Variants in GRID2 observed in about 807,000 individuals in gnomAD.
GRID2 encodes the protein glutamate receptor ionotropic, delta-2.
GRID2 carries 33 observed loss-of-function variants against 114.8 expected under a neutral mutation model. The ratio of observed to expected loss-of-function variants is 0.29; its 90% CI spans 0.22 to 0.38. The LOEUF is 0.38. Among genes scored for constraint, GRID2 ranks in the 10% least tolerant of loss-of-function variants. The pLI, the probability that GRID2 is intolerant of heterozygous loss-of-function variation, is 1.00. For synonymous variants in GRID2, 505 were observed against 449.9 expected, an observed-to-expected ratio of 1.12 and a Z score of -1.55; for missense variants, 1,184 against 1,257.7, an observed-to-expected ratio of 0.94 and a Z score of 0.89.
intron 2 of GRID2, among the ~76,000 whole-genome samples, chr4:92,613,667 T>C (rs1291053649): frequency 1.3e-5 from 2 of 151,476 alleles, no homozygotes; most frequent in Admixed American, 1.3e-4. Context: ...TTATCTGCTC[T>C]GCTAACATGA....
At chr4:92,495,160 G>A (rs187204597) in intron 1 of GRID2, among the ~76,000 whole-genome samples, 1 of 151,912 alleles carries the variant, frequency 6.6e-6, no homozygotes, top group Non-Finnish European at 1.5e-5. Flanking sequence ...AGAGTGTCTA[G>A]ATCAAAGAAA....
intron 11 of GRID2, among the ~76,000 whole-genome samples, chr4:93,464,557 G>A (rs570014475): frequency 3.9e-5 from 6 of 152,110 alleles, no homozygotes; most frequent in Non-Finnish European, 8.8e-5. Context: ...AGTGGTACAA[G>A]CTTTACTTGA....
intron 2 of GRID2, among the ~76,000 whole-genome samples, chr4:92,864,176 G>C (rs950545738): frequency 6.6e-5 from 10 of 152,036 alleles, no homozygotes; most frequent in African/African-American, 2.4e-4. Flanking sequence ...GGTTCACTCT[G>C]AGCCAAGAAC....
rs760605020 is a variant in GRID2 at position 92,688,037 on chromosome 4, CTTTTTTTTTT to C, written c.244+97771_244+97780del. ...GCCACATTGGTTGACCCTTCTTCTT[CTTTTTTTTTT>C]TTTTTTTTTTTTTTTTTTTGGGATG... On this transcript the variant is annotated intron_variant, in intron 2 of 15. Transcript: ENST00000282020. Among the ~76,000 whole-genome samples, 76 of 44,674 alleles carry C rather than the reference CTTTTTTTTTT, an allele frequency of 1.7e-3. 5 individuals carry two copies. In the East Asian group the frequency reaches 0.022, roughly 13 times the overall value. 29.3% of individuals were successfully genotyped at this position (44,674 alleles called of 152,430 possible).
chr4:93,780,618 A>C (rs1170574866), intron 1 of GRID2, among the ~76,000 whole-genome samples: 1 of 152,204 alleles, frequency 6.6e-6, no homozygotes, highest in Admixed American at 6.5e-5. Flanking sequence ...TTTGGTCCTA[A>C]ATATTTGCTA....
chr4:92,689,313 A>G (rs1005856663), intron 2 of GRID2, among the ~76,000 whole-genome samples: 1 of 152,180 alleles, frequency 6.6e-6, no homozygotes, highest in African/African-American at 2.4e-5. Context: ...CTCTCTAGCT[A>G]TGGAAGTCCT....
intron 2 of GRID2, among the ~76,000 whole-genome samples, chr4:92,812,864 G>A (rs1223441721): frequency 6.6e-6 from 1 of 152,074 alleles, no homozygotes; most frequent in Non-Finnish European, 1.5e-5. Flanking sequence ...CTACTTGACA[G>A]GTGTCTGACA....
intron 2 of GRID2, among the ~76,000 whole-genome samples, chr4:92,632,898 T>C (rs1443074440): frequency 6.6e-6 from 1 of 152,218 alleles, no homozygotes; most frequent in Non-Finnish European, 1.5e-5. Context: ...CATTATTTCA[T>C]TTCATATTTT....
chr4:92,740,944 G>A (rs903697472), intron 2 of GRID2, among the ~76,000 whole-genome samples: 2 of 151,986 alleles, frequency 1.3e-5, no homozygotes, highest in Non-Finnish European at 2.9e-5. Flanking sequence ...TTATTAGAAG[G>A]GGTTTCACCA....
intron 2 of GRID2, among the ~76,000 whole-genome samples, chr4:93,008,650 G>T (rs1192971620): frequency 6.6e-6 from 1 of 152,078 alleles, no homozygotes; most frequent in Non-Finnish European, 1.5e-5. Context: ...CAGTATTGCT[G>T]GAGATAGTTG....
chr4:92,722,033 A>G (rs1269432278), intron 2 of GRID2, among the ~76,000 whole-genome samples: 1 of 152,188 alleles, frequency 6.6e-6, no homozygotes, highest in African/African-American at 2.4e-5. Context: ...CCCAGAATGA[A>G]AGGTGGTAGC....
chr4:93,375,302 T>C (rs1466231552), intron 8 of GRID2, among the ~76,000 whole-genome samples: 1 of 148,708 alleles, frequency 6.7e-6, no homozygotes, highest in Non-Finnish European at 1.5e-5. Flanking sequence ...AAGCTCTGCC[T>C]CCCGGGTTCA....
intron 13 of GRID2, among the ~76,000 whole-genome samples, chr4:93,570,194 C>T (rs890593161): frequency 3.9e-5 from 6 of 152,142 alleles, no homozygotes; most frequent in African/African-American, 1.4e-4. Flanking sequence ...CACAAGGTCA[C>T]TCAGTAGCCA....
At chr4:92,848,225 T>A (rs1743486574) in intron 2 of GRID2, among the ~76,000 whole-genome samples, 1 of 151,678 alleles carries the variant, frequency 6.6e-6, no homozygotes, top group Non-Finnish European at 1.5e-5. Flanking sequence ...GGGATTTTTT[T>A]TTTTTTTTCA....
At chr4:92,393,982 T>C (rs985140495) in intron 1 of GRID2, among the ~76,000 whole-genome samples, 4 of 152,108 alleles carry the variant, frequency 2.6e-5, no homozygotes, top group Admixed American at 6.6e-5. Flanking sequence ...GGAACTTGAG[T>C]GTCTCTGCTT....
intron 2 of GRID2, among the ~76,000 whole-genome samples, chr4:92,696,454 G>A (rs1240061222): frequency 2.0e-5 from 3 of 152,056 alleles, no homozygotes; most frequent in African/African-American, 7.2e-5. Context: ...TTTGACAGGA[G>A]TTAATTTTCC....
intron 2 of GRID2, among the ~76,000 whole-genome samples, chr4:92,781,209 G>A (rs998528491): frequency 1.6e-4 from 24 of 152,016 alleles, no homozygotes; most frequent in Non-Finnish European, 4.4e-5. Context: ...TCACACCACT[G>A]CACTCCAGCC....
chr4:93,409,856 G>T (rs1766932718), intron 9 of GRID2, among the ~76,000 whole-genome samples: 1 of 152,110 alleles, frequency 6.6e-6, no homozygotes, highest in South Asian at 2.1e-4. Context: ...TGCATTTTTA[G>T]ATTAAACAAT....
intron 1 of GRID2, among the ~76,000 whole-genome samples, chr4:92,314,142 G>A (rs1278873642): frequency 6.6e-6 from 1 of 151,610 alleles, no homozygotes; most frequent in African/African-American, 2.4e-5. Context: ...GTGACACCAG[G>A]CCAAACACAC....
Sources: gnomAD v4.1 joint callset for allele counts (sites outside exome capture counted in the v4.1 genomes callset) on GRCh38, gnomAD v4.1.1 for gene constraint, MANE v1.5 for transcripts, NCBI Gene and HGNC (gene_info 2026-07-23, HGNC 2026-07-21) for gene names.